DLG2: variants seen among roughly 807,000 people sequenced by gnomAD.
DLG2 encodes the protein discs large MAGUK scaffold protein 2, also known as disks large homolog 2.
Under a neutral mutation model 132.5 loss-of-function variants are expected in DLG2, and 45 were observed. The ratio of observed to expected loss-of-function variants is 0.34; its 90% CI spans 0.27 to 0.44. The LOEUF (loss-of-function observed/expected upper bound fraction) is 0.44, where lower values mean the gene tolerates loss of function less well. Among genes scored for constraint, DLG2 ranks in the 20% least tolerant of loss-of-function variants. The pLI, the probability that DLG2 is intolerant of heterozygous loss-of-function variation, is 1.00. For synonymous variants in DLG2, 424 were observed against 419.6 expected (o/e 1.01, Z -0.13); for missense variants, 1,045 against 1,196.9 (o/e 0.87, Z 1.87).
intron 3 of DLG2, among the ~76,000 whole-genome samples, chr11:85,373,784 T>C (rs571595871): frequency 6.6e-6 from 1 of 152,184 alleles, no homozygotes; most frequent in Admixed American, 6.5e-5. Context: ...TAAATTTTCA[T>C]GGCCATGGGG....
intron 17 of DLG2, among the ~76,000 whole-genome samples, chr11:83,797,719 T>G (rs1480595853): frequency 6.6e-6 from 1 of 151,968 alleles, no homozygotes; most frequent in Non-Finnish European, 1.5e-5. Context: ...GGGGTTTCAC[T>G]GTATTAGCCA....
chr11:85,419,469 C>A (rs976813478), intron 3 of DLG2, among the ~76,000 whole-genome samples: 3 of 152,172 alleles, frequency 2.0e-5, no homozygotes, highest in African/African-American at 7.2e-5. Flanking sequence ...GAATGTTGGC[C>A]TACCTTTCTA....
At chr11:83,942,259 C>T (rs1357044890) in intron 14 of DLG2, among the ~76,000 whole-genome samples, 1 of 151,868 alleles carries the variant, frequency 6.6e-6, no homozygotes, top group African/African-American at 2.4e-5. Context: ...TTAATGTAGG[C>T]ATTAAAAACT....
chr11:84,987,048 A>C (rs1403087110), intron 6 of DLG2, among the ~76,000 whole-genome samples: 1 of 152,202 alleles, frequency 6.6e-6, no homozygotes, highest in African/African-American at 2.4e-5. Context: ...AGAACTGATA[A>C]AAGATTTCAG....
At chr11:85,378,833 A>T (rs951317860) in intron 3 of DLG2, among the ~76,000 whole-genome samples, 19 of 152,152 alleles carry the variant, frequency 1.2e-4, no homozygotes, top group Non-Finnish European at 1.3e-4. Flanking sequence ...TTTCATACAT[A>T]ACAAAAGTTT....
intron 4 of DLG2, among the ~76,000 whole-genome samples, chr11:85,215,109 A>G (rs1334263468): frequency 1.3e-5 from 2 of 152,198 alleles, no homozygotes; most frequent in African/African-American, 4.8e-5. Flanking sequence ...TGGTATTAGG[A>G]GAAATGAATA....
chr11:83,628,165 G>T (rs1476720682), intron 19 of DLG2, among the ~76,000 whole-genome samples: 11 of 152,120 alleles, frequency 7.2e-5, no homozygotes, highest in Admixed American at 5.2e-4. Flanking sequence ...TCTGTAGGTT[G>T]CCTGTTCACT....
intron 15 of DLG2, among the ~76,000 whole-genome samples, chr11:83,908,521 CA>C (rs2075451865): frequency 6.6e-6 from 1 of 152,032 alleles, no homozygotes; most frequent in Non-Finnish European, 1.5e-5. Flanking sequence ...TACACACCTA[CA>C]AAAACAGAGC....
chr11:83,682,525 C>A, intron 18 of DLG2: 1 of 850,342 alleles, frequency 1.2e-6, no homozygotes, highest in Non-Finnish European at 1.4e-6. Flanking sequence ...CCATCCTCTG[C>A]TCGTGTTCCC....
intron 7 of DLG2, among the ~76,000 whole-genome samples, chr11:84,317,506 C>A (rs2154395537): frequency 6.6e-6 from 1 of 152,302 alleles, no homozygotes; most frequent in East Asian, 1.9e-4. Flanking sequence ...TAACTCTTTG[C>A]TGTTTGGCAT....
intron 6 of DLG2, among the ~76,000 whole-genome samples, chr11:85,078,003 A>G (rs983644837): frequency 6.6e-6 from 1 of 151,884 alleles, no homozygotes; most frequent in African/African-American, 2.4e-5. Flanking sequence ...ATATTATTTT[A>G]TTTCCATTTC....
At chr11:85,087,057 T>C (rs1008320272) in intron 6 of DLG2, among the ~76,000 whole-genome samples, 1 of 152,208 alleles carries the variant, frequency 6.6e-6, no homozygotes, top group African/African-American at 2.4e-5. Flanking sequence ...ATTTGCTCAT[T>C]GTGATTCATT....
chr11:85,097,898 T>C (rs1272935166), intron 6 of DLG2, among the ~76,000 whole-genome samples: 7 of 152,190 alleles, frequency 4.6e-5, no homozygotes, highest in Non-Finnish European at 2.9e-5. Context: ...CATGCAATAT[T>C]TTGCCCTCTT....
At chr11:85,439,008 A>G (rs1009592221) in intron 3 of DLG2, among the ~76,000 whole-genome samples, 2 of 152,186 alleles carry the variant, frequency 1.3e-5, no homozygotes. Flanking sequence ...CAACTTATGT[A>G]TATATTAATA....
intron 7 of DLG2, among the ~76,000 whole-genome samples, chr11:84,461,760 T>A (rs953864016): frequency 1.3e-5 from 2 of 150,954 alleles, no homozygotes; most frequent in Non-Finnish European, 3.0e-5. Context: ...TACTGAATTT[T>A]TTTTTTCAGA....
chr11:84,081,839 T>G (rs4259848), intron 10 of DLG2, among the ~76,000 whole-genome samples: 1 of 152,096 alleles, frequency 6.6e-6, no homozygotes, highest in African/African-American at 2.4e-5. Flanking sequence ...TACCCAGTAA[T>G]GGGATCGCTG....
chr11:83,847,712 C>T (rs146256398), intron 16 of DLG2, among the ~76,000 whole-genome samples: 62 of 152,242 alleles, frequency 4.1e-4, no homozygotes, highest in Middle Eastern at 3.4e-3. Context: ...ATTTCACATG[C>T]TTGCTTAATG....
chr11:83,918,663 C>G (rs12364142), intron 15 of DLG2, among the ~76,000 whole-genome samples: 11,609 of 152,138 alleles, frequency 0.076, 622 homozygotes, highest in African/African-American at 0.15. Context: ...CTGGCCAGCA[C>G]AGGAACAGAG....
chr11:84,336,147 C>T (rs2098483675), intron 7 of DLG2, among the ~76,000 whole-genome samples: 1 of 152,182 alleles, frequency 6.6e-6, no homozygotes, highest in East Asian at 1.9e-4. Flanking sequence ...TGCCACTTCT[C>T]TGAGTGCACG....
Sources: allele counts gnomAD v4.1 joint callset (sites outside exome capture counted in the v4.1 genomes callset), GRCh38; gene constraint gnomAD v4.1.1; transcripts MANE v1.5; gene names NCBI Gene and HGNC (gene_info 2026-07-23, HGNC 2026-07-21).